The following HPGDS variants were observed in gnomAD, a reference collection of about 807,000 sequenced individuals.
HPGDS encodes GST class-sigma.
Under a neutral mutation model 23.1 loss-of-function variants are expected in HPGDS, and 26 were observed. The observed-to-expected ratio is 1.13, with a 90% confidence interval of 0.83 to 1.56. The LOEUF is 1.56. Ranked by LOEUF, HPGDS falls within the 40% of genes most tolerant of loss-of-function variation. HPGDS has a pLI of 0.00. For synonymous variants in HPGDS, 95 were observed against 77.9 expected (o/e 1.22, Z -1.16); for missense variants, 268 against 236.4 (o/e 1.13, Z -0.88).
chr4:94,316,682 C>A (rs1756404628), intron 3 of HPGDS, among the ~76,000 whole-genome samples: 1 of 152,230 alleles, frequency 6.6e-6, no homozygotes, highest in Non-Finnish European at 1.5e-5. Context: ...GCCATTTTCT[C>A]TCTGCTTAGA....
intron 4 of HPGDS, among the ~76,000 whole-genome samples, chr4:94,308,259 T>C (rs1228569098): frequency 6.6e-6 from 1 of 152,162 alleles, no homozygotes; most frequent in East Asian, 1.9e-4. Flanking sequence ...TAAAACGTTT[T>C]GGAGTTTGGG....
At chr4:94,321,059 G>A (rs182484300) in intron 2 of HPGDS, among the ~76,000 whole-genome samples, 1 of 152,268 alleles carries the variant, frequency 6.6e-6, no homozygotes. Flanking sequence ...GTTTGTCAAA[G>A]ATCAGATGGT....
At chr4:94,338,640 C>T (rs1721071444) in intron 1 of HPGDS, among the ~76,000 whole-genome samples, 1 of 152,120 alleles carries the variant, frequency 6.6e-6, no homozygotes, top group Non-Finnish European at 1.5e-5. Context: ...AAATATAATA[C>T]ATAATGGTGA....
At chr4:94,340,301 CTTTCTTTCTCTTTTTTT>C (rs1721118775) in intron 1 of HPGDS, among the ~76,000 whole-genome samples, 1 of 32,172 alleles carries the variant, frequency 3.1e-5, no homozygotes, top group African/African-American at 1.1e-4. Flanking sequence ...TTCTTTCTTT[CTTTCTTTCTCTTTTTTT>C]TTTTTTTTTT....
chr4:94,299,485 G>T lies in HPGDS; in HGVS notation c.595C>A (p.Leu199Ile). 1 of 1,609,552 alleles carries T rather than the reference G, an allele frequency of 6.2e-7. No homozygotes were observed. The change falls in exon 6 of 6, where the codon CTC becomes ATC. Residue 199 changes from leucine to isoleucine, a missense_variant. By Grantham distance (5) the Leu-to-Ile change is conservative. Coordinates refer to ENST00000295256, the MANE Select transcript of HPGDS (RefSeq NM_014485.3). ...NWIKRRPQTK[L>I] ...TTGAAGGCAACATGGATCAGCTAGA[G>T]TTTGGTTTGGGGCCTTCGTTTTATC...
chr4:94,342,595 T>C (rs1721194450), intron 1 of HPGDS, among the ~76,000 whole-genome samples, 200 bp downstream of exon 1: 1 of 152,210 alleles, frequency 6.6e-6, no homozygotes, highest in Admixed American at 6.5e-5. Context: ...CTATATTTCC[T>C]TAAAAATGAC....
chr4:94,324,783 A>G (rs1427377236), intron 2 of HPGDS, among the ~76,000 whole-genome samples: 3 of 152,166 alleles, frequency 2.0e-5, no homozygotes, highest in African/African-American at 4.8e-5. Flanking sequence ...GTCATTCTCC[A>G]TCCAGCTTGT....
intron 1 of HPGDS, among the ~76,000 whole-genome samples, chr4:94,339,489 CG>C (rs1269335576): frequency 1.3e-5 from 2 of 152,082 alleles, no homozygotes; most frequent in African/African-American, 4.8e-5. Flanking sequence ...ATAACCTATA[CG>C]GTTTATCAAA....
chr4:94,325,948 T>C (rs1756622714), intron 2 of HPGDS, among the ~76,000 whole-genome samples: 2 of 152,030 alleles, frequency 1.3e-5, no homozygotes, highest in Admixed American at 1.3e-4. Context: ...GAAGGATAGC[T>C]TTGCTGGTTA....
chr4:94,323,016 A>T (rs1356136188), intron 2 of HPGDS, among the ~76,000 whole-genome samples: 1 of 152,134 alleles, frequency 6.6e-6, no homozygotes, highest in Non-Finnish European at 1.5e-5. Context: ...TCATTTCGTT[A>T]TGTACCCAGT....
intron 3 of HPGDS, among the ~76,000 whole-genome samples, chr4:94,317,190 T>A (rs1212760165): frequency 6.6e-6 from 1 of 152,044 alleles, no homozygotes; most frequent in African/African-American, 2.4e-5. Context: ...TACAGATTGA[T>A]TGAAAGAAAC....
chr4:94,321,494 G>C (rs1446431536), intron 2 of HPGDS, among the ~76,000 whole-genome samples: 2 of 152,106 alleles, frequency 1.3e-5, no homozygotes, highest in African/African-American at 2.4e-5. Context: ...TTTTAAGTTG[G>C]ATTCCTAGGT....
chr4:94,314,210 G>A (rs748904358), intron 3 of HPGDS, among the ~76,000 whole-genome samples: 4 of 152,132 alleles, frequency 2.6e-5, no homozygotes, highest in African/African-American at 9.7e-5. Flanking sequence ...AGGAGGAGAG[G>A]TGCTCTGATT....
At chr4:94,305,502 A>C (rs1476460822) in intron 4 of HPGDS, among the ~76,000 whole-genome samples, 1 of 152,166 alleles carries the variant, frequency 6.6e-6, no homozygotes, top group Non-Finnish European at 1.5e-5. Context: ...AATACTAAGT[A>C]GATAGTATGT....
intron 3 of HPGDS, among the ~76,000 whole-genome samples, chr4:94,311,751 G>T (rs948778944): frequency 6.6e-6 from 1 of 151,442 alleles, no homozygotes; most frequent in Non-Finnish European, 1.5e-5. Context: ...GAATTCAGCT[G>T]TGAGTCCATC....
intron 3 of HPGDS, among the ~76,000 whole-genome samples, chr4:94,315,999 T>C (rs1212684944): frequency 1.3e-5 from 2 of 152,210 alleles, no homozygotes; most frequent in African/African-American, 4.8e-5. Context: ...AATCCTCAAA[T>C]GCAGTCATCA....
intron 2 of HPGDS, among the ~76,000 whole-genome samples, chr4:94,324,841 C>T (rs1756596924): frequency 6.6e-6 from 1 of 152,162 alleles, no homozygotes; most frequent in Admixed American, 6.5e-5. Flanking sequence ...AAGGGGTGTT[C>T]TGATTTTTAG....
At chr4:94,338,599 A>T (rs558449947) in intron 1 of HPGDS, among the ~76,000 whole-genome samples, 1 of 152,304 alleles carries the variant, frequency 6.6e-6, no homozygotes, top group East Asian at 1.9e-4. Flanking sequence ...TTCCTTAACC[A>T]TATAAAGAGT....
At chr4:94,337,646 G>C (rs548153260) in intron 1 of HPGDS, among the ~76,000 whole-genome samples, 2 of 152,138 alleles carry the variant, frequency 1.3e-5, no homozygotes, top group African/African-American at 4.8e-5. Flanking sequence ...TTGCACTCCA[G>C]CCTGGGGGAC....
Sources: allele counts gnomAD v4.1 joint callset (sites outside exome capture counted in the v4.1 genomes callset), GRCh38; gene constraint gnomAD v4.1.1; transcripts MANE v1.5; gene names NCBI Gene and HGNC (gene_info 2026-07-23, HGNC 2026-07-21).